Variants in MYO1E observed in about 807,000 individuals in gnomAD.
MYO1E encodes unconventional myosin-Ie.
Under a neutral mutation model 151.1 loss-of-function variants are expected in MYO1E, and 68 were observed. That is an observed-to-expected ratio of 0.45 (90% CI 0.37 to 0.55). The LOEUF (loss-of-function observed/expected upper bound fraction) is 0.55, where lower values mean the gene tolerates loss of function less well. MYO1E is among the 20% of genes least tolerant of loss of function. The pLI is 0.00. For missense variants in MYO1E, 1,363 were observed against 1,389.3 expected (o/e 0.98, Z 0.30); for synonymous variants, 601 against 501.7 (o/e 1.20, Z -2.64).
chr15:59,340,439 C>T (rs1473896070), intron 1 of MYO1E, among the ~76,000 whole-genome samples: 1 of 151,944 alleles, frequency 6.6e-6, no homozygotes, highest in Non-Finnish European at 1.5e-5. Flanking sequence ...TTTCTCTAGA[C>T]AGTCTAATTT....
rs2080948682 is a variant in MYO1E, at chr15:59,372,045, G to A, written c.3+453C>T. ...GCGGCGGCGGGGAGGAGAGGGAGTC[G>A]GCGCGAGGGTGCCCGGGGCGGGGCG... On this transcript the variant is annotated intron_variant, in intron 1 of 27. Transcript: ENST00000288235. Among the ~76,000 whole-genome samples the A allele has an allele frequency of 4.0e-5, 6 of 150,406 alleles. No homozygotes were observed. The East Asian group carries it at 1.2e-3, about 30-fold the overall frequency.
intron 3 of MYO1E, among the ~76,000 whole-genome samples, chr15:59,257,851 C>T (rs1433875939): frequency 1.3e-5 from 2 of 152,136 alleles, no homozygotes; most frequent in Non-Finnish European, 2.9e-5. Flanking sequence ...GATAGGACCT[C>T]AGGATATGGT....
chr15:59,197,509 G>A (rs900889576), intron 16 of MYO1E, among the ~76,000 whole-genome samples: 4 of 152,254 alleles, frequency 2.6e-5, no homozygotes, highest in Non-Finnish European at 4.4e-5. Context: ...TCTCATTTAC[G>A]CCTCACAACA....
chr15:59,369,321 G>T (rs901731475), intron 1 of MYO1E, among the ~76,000 whole-genome samples: 3 of 152,156 alleles, frequency 2.0e-5, no homozygotes, highest in Non-Finnish European at 4.4e-5. Flanking sequence ...CATGTTTTGA[G>T]GTGATGGTCA....
At chr15:59,262,822 T>C (rs4774323) in intron 2 of MYO1E, among the ~76,000 whole-genome samples, 108,574 of 151,998 alleles carry the variant, frequency 0.71, 40,000 homozygotes, top group East Asian at 0.89. Flanking sequence ...TTTTAATATA[T>C]GAAAATAAAT....
intron 24 of MYO1E, among the ~76,000 whole-genome samples, chr15:59,158,807 C>T (rs372904057): frequency 3.9e-5 from 6 of 152,226 alleles, no homozygotes; most frequent in South Asian, 2.1e-4. Context: ...CACCTGCCTA[C>T]GTCAAGCGCC....
chr15:59,247,203 A>G (rs1410382968), intron 4 of MYO1E, among the ~76,000 whole-genome samples: 2 of 152,186 alleles, frequency 1.3e-5, no homozygotes, highest in East Asian at 3.9e-4. Flanking sequence ...TTCAAAAACT[A>G]AAATAAAAAA....
chr15:59,169,523 C>CT (rs2079579902), intron 22 of MYO1E, among the ~76,000 whole-genome samples: 1 of 152,196 alleles, frequency 6.6e-6, no homozygotes, highest in Admixed American at 6.5e-5. Context: ...GGTTCAGTGA[C>CT]TGCAATACAC....
At chr15:59,141,218 C>G (rs1273114483) in intron 26 of MYO1E, among the ~76,000 whole-genome samples, 1 of 152,138 alleles carries the variant, frequency 6.6e-6, no homozygotes, top group African/African-American at 2.4e-5. Flanking sequence ...AACTGGGCTA[C>G]AAGTGCACAT....
At chr15:59,342,849 G>T (rs1411108827) in intron 1 of MYO1E, among the ~76,000 whole-genome samples, 1 of 152,100 alleles carries the variant, frequency 6.6e-6, no homozygotes, top group African/African-American at 2.4e-5. Flanking sequence ...ATTTTAAACT[G>T]ATCACAACTT....
At chr15:59,308,645 C>G (rs867544283) in intron 1 of MYO1E, among the ~76,000 whole-genome samples, 14 of 145,686 alleles carry the variant, frequency 9.6e-5, no homozygotes, top group Middle Eastern at 7.3e-3. Context: ...GCTCTCCAGC[C>G]TGGGTGACAG....
At chr15:59,324,819 G>T (rs1400257809) in intron 1 of MYO1E, among the ~76,000 whole-genome samples, 1 of 152,062 alleles carries the variant, frequency 6.6e-6, no homozygotes, top group African/African-American at 2.4e-5. Flanking sequence ...TAAAGGCCTT[G>T]CTTCTATCAG....
chr15:59,204,811 T>TA lies in MYO1E; in HGVS notation c.1616+588dup, dbSNP rs2079822458. On this transcript the variant is annotated intron_variant, in intron 15 of 27. Transcript: ENST00000288235. The stretch of plus-strand genomic sequence containing the variant: ...GTCTTGCTAAGCCATTAACCATCTT[T>TA]AAAAATTCAACGACCATGAAGAAGA... 2.6e-5 allele frequency among the ~76,000 whole-genome samples: 4 copies of TA among 152,192 alleles called. 1 individual carries two copies. The highest frequency in any genetic ancestry group is 2.6e-4 in the Admixed American group (4 of 15,284).
At chr15:59,210,652 T>G (rs759307302) in intron 12 of MYO1E, 52 bp from the exon 13 acceptor site, 11 of 1,307,078 alleles carry the variant, frequency 8.4e-6, no homozygotes, top group South Asian at 5.9e-5. Flanking sequence ...GCAAGAGCTC[T>G]GCACGGACAG....
At chr15:59,283,442 G>C (rs1026361650) in intron 1 of MYO1E, among the ~76,000 whole-genome samples, 3 of 152,072 alleles carry the variant, frequency 2.0e-5, no homozygotes, top group Non-Finnish European at 4.4e-5. Context: ...ATCTTGCTAA[G>C]AAGCCTGCTC....
At chr15:59,279,681 G>C (rs774121665) in intron 1 of MYO1E, among the ~76,000 whole-genome samples, 6 of 152,154 alleles carry the variant, frequency 3.9e-5, no homozygotes, top group Non-Finnish European at 8.8e-5. Flanking sequence ...GGGTAGAGCT[G>C]GTTTTACATG....
intron 27 of MYO1E, 145 bp downstream of exon 27, chr15:59,138,053 T>C: frequency 1.0e-6 from 1 of 957,950 alleles, no homozygotes; most frequent in South Asian, 1.3e-5. Flanking sequence ...GGTGTCTTGA[T>C]CAGACTGAGC....
intron 10 of MYO1E, among the ~76,000 whole-genome samples, chr15:59,216,444 A>G (rs537678173): frequency 4.6e-5 from 7 of 151,774 alleles, no homozygotes; most frequent in African/African-American, 1.7e-4. Context: ...AGTGCCTGCT[A>G]TTATTATTTT....
chr15:59,240,927 C>T (rs563138664), intron 4 of MYO1E, among the ~76,000 whole-genome samples: 10 of 152,210 alleles, frequency 6.6e-5, no homozygotes, highest in Admixed American at 3.3e-4. Flanking sequence ...TGGCTCCTGT[C>T]AGAGAAGAGC....
Sources: gnomAD v4.1 joint callset for allele counts (sites outside exome capture counted in the v4.1 genomes callset) on GRCh38, gnomAD v4.1.1 for gene constraint, MANE v1.5 for transcripts, NCBI Gene and HGNC (gene_info 2026-07-23, HGNC 2026-07-21) for gene names.